The following CNTNAP2 variants were observed in gnomAD, a reference collection of about 807,000 sequenced individuals.
The protein encoded by CNTNAP2 is contactin-associated protein-like 2.
A neutral mutation model predicts 155.2 loss-of-function variants in CNTNAP2; 98 were observed. The ratio of observed to expected loss-of-function variants is 0.63; its 90% confidence interval spans 0.54 to 0.75. CNTNAP2 has a LOEUF of 0.75. Ranked by LOEUF, CNTNAP2 falls within the 30% of genes least tolerant of loss-of-function variation. CNTNAP2 has a pLI of 0.00. For missense variants in CNTNAP2, 1,727 were observed against 1,688.1 expected (o/e 1.02, Z -0.40); for synonymous variants, 651 against 631.2 (o/e 1.03, Z -0.47).
Position 146,702,664 on chromosome 7 carries a change from T to C in CNTNAP2, c.98-71607T>C, listed in dbSNP as rs369654679. On this transcript the variant is annotated intron_variant, in intron 1 of 23. Transcript: ENST00000361727. ...GTAGCCATGTGTGCCTAATATACTT[T>C]ATTAGATGGCACAGCCCAAAATATT... 1.7e-3 allele frequency among the ~76,000 whole-genome samples: 260 copies of C among 152,272 alleles called. 2 individuals are homozygous for C. Among genetic ancestry groups the C allele is most frequent in the Middle Eastern group, 6.8e-3 (2 of 294 alleles).
chr7:147,437,075 T>C (rs2116540128), intron 10 of CNTNAP2, among the ~76,000 whole-genome samples: 1 of 152,196 alleles, frequency 6.6e-6, no homozygotes, highest in African/African-American at 2.4e-5. Flanking sequence ...AAGGCCATCT[T>C]GGTCTCGGTG....
rs142407861 is a variant in CNTNAP2, at chr7:146,883,406, CT to C, written c.402+43503del. 2.8e-3 allele frequency among the ~76,000 whole-genome samples: 419 copies of C among 151,962 alleles called. 8 individuals are homozygous for C. The East Asian group carries it at 0.045, about 16-fold the overall frequency. ...TAATTCTCAAAAAATACGTTTTTTT[CT>C]ATGTGTTCAAATTTGCAGTTATTGA... On this transcript the variant is annotated intron_variant, in intron 3 of 23. Coordinates refer to ENST00000361727, the MANE Select transcript of CNTNAP2 (RefSeq NM_014141.6).
chr7:146,755,518 C>T (rs550933481), intron 1 of CNTNAP2, among the ~76,000 whole-genome samples: 9 of 151,964 alleles, frequency 5.9e-5, no homozygotes, highest in Non-Finnish European at 1.0e-4. Flanking sequence ...TGCTATGTCA[C>T]CTCCAGGATA....
At chr7:148,020,316 A>G (rs1278271126) in intron 15 of CNTNAP2, among the ~76,000 whole-genome samples, 1 of 152,236 alleles carries the variant, frequency 6.6e-6, no homozygotes, top group Non-Finnish European at 1.5e-5. Context: ...GAAACAAAGA[A>G]AAACAAGGGT....
intron 20 of CNTNAP2, among the ~76,000 whole-genome samples, chr7:148,253,364 T>C (rs773987168): frequency 1.3e-5 from 2 of 152,244 alleles, no homozygotes; most frequent in Non-Finnish European, 2.9e-5. Context: ...TACTGTACCA[T>C]GATGACACTT....
chr7:147,614,088 G>A (rs1027883040), intron 12 of CNTNAP2, among the ~76,000 whole-genome samples: 1 of 152,070 alleles, frequency 6.6e-6, no homozygotes, highest in Admixed American at 6.6e-5. Flanking sequence ...TTAAAAATTT[G>A]TTGCATTATT....
intron 3 of CNTNAP2, among the ~76,000 whole-genome samples, chr7:146,846,337 CATCA>C (rs1803840432): frequency 8.5e-5 from 1 of 11,708 alleles, no homozygotes; most frequent in African/African-American, 2.9e-4. Context: ...GAATAATCTG[CATCA>C]AACAAACACT....
intron 3 of CNTNAP2, among the ~76,000 whole-genome samples, chr7:147,004,650 A>G (rs76370674): frequency 6.6e-6 from 1 of 152,194 alleles, no homozygotes; most frequent in East Asian, 1.9e-4. Flanking sequence ...TTGAAAGTTA[A>G]TATTCCTGAT....
chr7:146,375,421 C>T (rs1422780052), intron 1 of CNTNAP2, among the ~76,000 whole-genome samples: 4 of 152,152 alleles, frequency 2.6e-5, no homozygotes, highest in African/African-American at 9.7e-5. Context: ...AGCTTCAGCA[C>T]CAGTCCTGTC....
At chr7:147,470,348 C>A (rs10254707) in intron 10 of CNTNAP2, among the ~76,000 whole-genome samples, 117,567 of 146,102 alleles carry the variant, frequency 0.8, 47,886 homozygotes, top group African/African-American at 0.94. Flanking sequence ...TAGCTATGAT[C>A]GTGTCTTGGA....
chr7:146,487,405 G>A (rs903809763), intron 1 of CNTNAP2, among the ~76,000 whole-genome samples: 1 of 152,168 alleles, frequency 6.6e-6, no homozygotes, highest in African/African-American at 2.4e-5. Flanking sequence ...CATATGTCTC[G>A]TAGTTGACAA....
At chr7:148,124,739 A>G (rs1804677332) in intron 16 of CNTNAP2, among the ~76,000 whole-genome samples, 1 of 152,238 alleles carries the variant, frequency 6.6e-6, no homozygotes, top group Non-Finnish European at 1.5e-5. Flanking sequence ...AAATGAGAGC[A>G]TAGAGTTGAC....
At chr7:148,172,612 T>C in intron 18 of CNTNAP2, 134 bp downstream of exon 18, 2 of 869,052 alleles carry the variant, frequency 2.3e-6, no homozygotes, top group South Asian at 2.7e-5. Flanking sequence ...TCTCTCAACT[T>C]AGGTAGGAAT....
chr7:146,811,718 A>G (rs1453077964), intron 2 of CNTNAP2, among the ~76,000 whole-genome samples: 1 of 152,112 alleles, frequency 6.6e-6, no homozygotes, highest in Non-Finnish European at 1.5e-5. Context: ...CTTAAATTGT[A>G]GTTTCCATAA....
chr7:148,379,783 C>T (rs186221201), intron 21 of CNTNAP2, among the ~76,000 whole-genome samples: 46 of 152,268 alleles, frequency 3.0e-4, no homozygotes, highest in African/African-American at 1.0e-3. Context: ...GGAGCTCAAG[C>T]ATGTACACGA....
Position 146,338,730 on chromosome 7 carries a change from CT to C in CNTNAP2, c.97+221766del, listed in dbSNP as rs199531913. ...GCCCAGTCAGAGTTAAACAGAACTT[CT>C]TTTTTTTTATTTTTCTTTTTAAGAA... is the stretch of plus-strand genomic sequence containing the variant. On this transcript the variant is annotated intron_variant, in intron 1 of 23. Transcript: ENST00000361727. Among the ~76,000 whole-genome samples, 60 of 151,588 alleles carry C rather than the reference CT, an allele frequency of 4.0e-4. 1 individual carries two copies. The East Asian group carries it at 9.5e-3, about 24-fold the overall frequency.
chr7:146,491,277 C>A (rs1308024718), intron 1 of CNTNAP2, among the ~76,000 whole-genome samples: 1 of 151,954 alleles, frequency 6.6e-6, no homozygotes, highest in Non-Finnish European at 1.5e-5. Flanking sequence ...ATCCCACACC[C>A]GTGTGAGCTT....
intron 5 of CNTNAP2, among the ~76,000 whole-genome samples, chr7:147,111,204 C>A (rs1425591194): frequency 1.3e-5 from 2 of 151,982 alleles, no homozygotes; most frequent in African/African-American, 4.8e-5. Flanking sequence ...TGTCCTTTGC[C>A]CACATTTTTA....
chr7:147,248,995 T>C (rs181302443), intron 8 of CNTNAP2, among the ~76,000 whole-genome samples: 10 of 152,230 alleles, frequency 6.6e-5, no homozygotes, highest in Admixed American at 3.3e-4. Flanking sequence ...AAACTTGATA[T>C]TTAAGCATTG....
Sources: allele counts gnomAD v4.1 joint callset (sites outside exome capture counted in the v4.1 genomes callset), GRCh38; gene constraint gnomAD v4.1.1; transcripts MANE v1.5; gene names NCBI Gene and HGNC (gene_info 2026-07-23, HGNC 2026-07-21).